Variants in COMMD1 observed in about 807,000 individuals in gnomAD.
The protein encoded by COMMD1 is copper metabolism domain containing 1, also known as COMM domain-containing protein 1.
COMMD1 carries 10 observed loss-of-function variants against 17.2 expected under a neutral mutation model. The ratio of observed to expected loss-of-function variants is 0.58; its 90% CI spans 0.36 to 0.99. The LOEUF is 0.99. Among genes scored for constraint, COMMD1 ranks in the 50% least tolerant of loss-of-function variants. The pLI, the probability that COMMD1 is intolerant of heterozygous loss-of-function variation, is 0.01. For missense variants in COMMD1, 270 were observed against 231.8 expected (o/e 1.17, Z -1.07); for synonymous variants, 97 against 91.6 (o/e 1.06, Z -0.34).
At chr2:62,021,996 AT>A (rs11301841) in intron 2 of COMMD1, among the ~76,000 whole-genome samples, 137,203 of 151,858 alleles carry the variant, frequency 0.9, 62,132 homozygotes, top group East Asian at 1. Context: ...ATAAACTCCT[AT>A]TTTTTTTTGT....
chr2:61,909,400 T>G (rs141250207), intron 1 of COMMD1, among the ~76,000 whole-genome samples: 2 of 152,332 alleles, frequency 1.3e-5, no homozygotes, highest in East Asian at 3.9e-4. Flanking sequence ...GCTTCTTAGA[T>G]ATGCCATTTT....
intron 1 of COMMD1, among the ~76,000 whole-genome samples, chr2:61,930,443 C>T (rs1670432357): frequency 6.6e-6 from 1 of 152,094 alleles, no homozygotes; most frequent in Non-Finnish European, 1.5e-5. Flanking sequence ...GTAATCTCAG[C>T]TACTCAGGTG....
intron 1 of COMMD1, among the ~76,000 whole-genome samples, chr2:61,994,077 C>T (rs1668675973): frequency 6.6e-6 from 1 of 152,124 alleles, no homozygotes; most frequent in African/African-American, 2.4e-5. Flanking sequence ...ACCTTCGCCT[C>T]CCGGGTTCAA....
At chr2:61,988,285 TGTTTCATA>T (rs1187952510) in intron 1 of COMMD1, among the ~76,000 whole-genome samples, 1 of 152,162 alleles carries the variant, frequency 6.6e-6, no homozygotes, top group Non-Finnish European at 1.5e-5. Context: ...GAAGCCAGCA[TGTTTCATA>T]GTCTCACTCA....
chr2:62,039,651 T>A (rs894819435), intron 2 of COMMD1, among the ~76,000 whole-genome samples: 1 of 152,232 alleles, frequency 6.6e-6, no homozygotes, highest in Non-Finnish European at 1.5e-5. Context: ...AAAGCACAAT[T>A]CTGTCTGACG....
chr2:62,113,553 T>C (rs1672513527), intron 2 of COMMD1, among the ~76,000 whole-genome samples: 2 of 152,048 alleles, frequency 1.3e-5, no homozygotes, highest in Non-Finnish European at 2.9e-5. Context: ...CCAGCTAATT[T>C]TTGTATTTTT....
chr2:62,132,794 T>G (rs1400150388), intron 2 of COMMD1, among the ~76,000 whole-genome samples: 3 of 151,976 alleles, frequency 2.0e-5, no homozygotes, highest in African/African-American at 7.3e-5. Context: ...GGTTGCAGAT[T>G]GGGCCACTGT....
At chr2:61,895,368 A>G (rs1413782316) in intron 1 of COMMD1, among the ~76,000 whole-genome samples, 1 of 152,236 alleles carries the variant, frequency 6.6e-6, no homozygotes, top group Non-Finnish European at 1.5e-5. Context: ...AACCGCACCC[A>G]GGTAGCAGAC....
chr2:62,046,842 T>A (rs1052918690), intron 2 of COMMD1, among the ~76,000 whole-genome samples: 2 of 152,238 alleles, frequency 1.3e-5, no homozygotes, highest in Admixed American at 1.3e-4. Flanking sequence ...AATACATGAT[T>A]TACAAAGATA....
chr2:62,066,436 CTT>C (rs34663203), intron 2 of COMMD1, among the ~76,000 whole-genome samples: 50 of 136,970 alleles, frequency 3.7e-4, no homozygotes, highest in Admixed American at 5.1e-4. Flanking sequence ...AAGATCAAAT[CTT>C]TTTTTTTTTT....
At chr2:61,905,638 G>T (rs778982885), upstream of COMMD1, 1 of 1,498,796 alleles carries the variant, frequency 6.7e-7, no homozygotes, top group Non-Finnish European at 8.9e-7. Flanking sequence ...CGCCGTGGCG[G>T]GGCACGGCTC....
intron 1 of COMMD1, among the ~76,000 whole-genome samples, chr2:61,951,858 A>G (rs192075881): frequency 3.9e-4 from 60 of 152,288 alleles, no homozygotes; most frequent in African/African-American, 1.3e-3. Context: ...TTGTTTACAT[A>G]TTCTAGAGTT....
chr2:61,968,945 CTT>C (rs57247770), intron 1 of COMMD1: 9,934 of 211,580 alleles, frequency 0.047, no homozygotes, highest in South Asian at 0.097. Context: ...TTTATTTAGT[CTT>C]TTTTTTTTTT....
At chr2:61,994,549 T>A (rs1311253758) in intron 1 of COMMD1, among the ~76,000 whole-genome samples, 1 of 152,082 alleles carries the variant, frequency 6.6e-6, no homozygotes, top group Non-Finnish European at 1.5e-5. Context: ...GCCACCACCC[T>A]CTTTTAGTCA....
At chr2:62,000,116 G>C (rs1668883905) in intron 1 of COMMD1, among the ~76,000 whole-genome samples, 1 of 151,780 alleles carries the variant, frequency 6.6e-6, no homozygotes, top group African/African-American at 2.4e-5. Flanking sequence ...GAAAAACAGG[G>C]TTTCACCATT....
At chr2:61,996,724 T>C (rs1668765239) in intron 1 of COMMD1, among the ~76,000 whole-genome samples, 1 of 152,214 alleles carries the variant, frequency 6.6e-6, no homozygotes, top group South Asian at 2.1e-4. Flanking sequence ...AGTAACTTCT[T>C]ATCCATTCAA....
At chr2:62,096,984 A>G (rs1407402401) in intron 2 of COMMD1, among the ~76,000 whole-genome samples, 1 of 152,224 alleles carries the variant, frequency 6.6e-6, no homozygotes, top group East Asian at 1.9e-4. Flanking sequence ...AAGACTGTCC[A>G]CATGTATTGG....
intron 1 of COMMD1, among the ~76,000 whole-genome samples, chr2:61,891,925 G>A (rs892802157): frequency 4.0e-5 from 6 of 151,324 alleles, no homozygotes; most frequent in Admixed American, 3.3e-4. Flanking sequence ...TCCGCCTCCC[G>A]GGTTCACGCC....
chr2:61,939,784 C>T (rs1670694686), intron 1 of COMMD1, among the ~76,000 whole-genome samples: 1 of 152,150 alleles, frequency 6.6e-6, no homozygotes, highest in Non-Finnish European at 1.5e-5. Context: ...CAGCAGCCTT[C>T]CAAACAAGGT....
Sources: gnomAD v4.1 joint callset for allele counts (sites outside exome capture counted in the v4.1 genomes callset) on GRCh38, gnomAD v4.1.1 for gene constraint, MANE v1.5 for transcripts, NCBI Gene and HGNC (gene_info 2026-07-23, HGNC 2026-07-21) for gene names.